Variants in SYNE2 observed in about 807,000 individuals in gnomAD.
SYNE2 encodes spectrin repeat containing nuclear envelope protein 2.
SYNE2 carries 431 observed loss-of-function variants against 856.3 expected under a neutral mutation model. That is an observed-to-expected ratio of 0.50 (90% confidence interval 0.47 to 0.55). The LOEUF (loss-of-function observed/expected upper bound fraction) is 0.55. Among genes scored for constraint, SYNE2 ranks in the 20% least tolerant of loss-of-function variants. The pLI, the probability that SYNE2 is intolerant of heterozygous loss-of-function variation, is 0.00. For synonymous variants in SYNE2, 2,923 were observed against 2,872.3 expected (o/e 1.02, Z -0.56); for missense variants, 8,129 against 8,023.2 (o/e 1.01, Z -0.50).
At chr14:63,974,892 G>GTATCTATATATATATATATA (rs2096527541) in intron 11 of SYNE2, among the ~76,000 whole-genome samples, 2 of 67,330 alleles carry the variant, frequency 3.0e-5, no homozygotes, top group Non-Finnish European at 6.2e-5. Flanking sequence ...GTGTGTGTGT[G>GTATCTATATATATATATATA]TATATATATA....
intron 14 of SYNE2, among the ~76,000 whole-genome samples, chr14:63,980,117 A>G (rs1234451632): frequency 1.3e-5 from 2 of 152,164 alleles, no homozygotes; most frequent in African/African-American, 4.8e-5. Flanking sequence ...TTTCTATTTA[A>G]ATATTCATAC....
At chr14:63,877,347 T>C (rs2094747950) in intron 1 of SYNE2, among the ~76,000 whole-genome samples, 1 of 152,176 alleles carries the variant, frequency 6.6e-6, no homozygotes, top group South Asian at 2.1e-4. Flanking sequence ...CTTTCTAAGT[T>C]TGTTACCACT....
At chr14:63,893,667 A>C (rs995908888) in intron 1 of SYNE2, among the ~76,000 whole-genome samples, 1 of 152,240 alleles carries the variant, frequency 6.6e-6, no homozygotes, top group Admixed American at 6.5e-5. Context: ...TATGGCATAC[A>C]CTATGCTACA....
chr14:64,162,614 A>AT, intron 88 of SYNE2: 1 of 363,300 alleles, frequency 2.8e-6, no homozygotes, highest in South Asian at 2.4e-5. Flanking sequence ...AGAATAATAC[A>AT]TGTTGTATCT....
intron 1 of SYNE2, among the ~76,000 whole-genome samples, chr14:63,801,423 G>A (rs541737381): frequency 1.3e-5 from 2 of 152,320 alleles, no homozygotes; most frequent in African/African-American, 2.4e-5. Flanking sequence ...TGTAATCCCA[G>A]CACTTCAGAA....
At chr14:63,976,301 T>C (rs2096542451) in intron 11 of SYNE2, among the ~76,000 whole-genome samples, 1 of 152,216 alleles carries the variant, frequency 6.6e-6, no homozygotes, top group African/African-American at 2.4e-5. Flanking sequence ...TATCTTATTG[T>C]GGATTTATCA....
intron 96 of SYNE2, among the ~76,000 whole-genome samples, chr14:64,181,442 GA>G: frequency 6.6e-6 from 1 of 152,254 alleles, no homozygotes; most frequent in East Asian, 1.9e-4. Flanking sequence ...GTAAACCCTT[GA>G]GCAGCCATAA....
At chr14:64,188,730 G>T (rs1298420615) in intron 98 of SYNE2, 22 bp downstream of exon 98, 3 of 1,613,468 alleles carry the variant, frequency 1.9e-6, no homozygotes, top group Non-Finnish European at 2.5e-6. Context: ...CACCCAGGTG[G>T]ATGTAGTTAT....
intron 90 of SYNE2, chr14:64,166,867 A>T: frequency 3.6e-6 from 1 of 277,270 alleles, no homozygotes; most frequent in South Asian, 3.6e-5. Context: ...CAGGAGGCGG[A>T]GGTTGCAGTG....
At chr14:64,113,855 A>G (rs2097832568) in intron 66 of SYNE2, among the ~76,000 whole-genome samples, 1 of 152,122 alleles carries the variant, frequency 6.6e-6, no homozygotes, top group African/African-American at 2.4e-5. Context: ...TTCCTTATAT[A>G]GTAGGTTATC....
intron 99 of SYNE2, among the ~76,000 whole-genome samples, chr14:64,200,229 T>G (rs894554505): frequency 2.6e-5 from 4 of 152,156 alleles, no homozygotes; most frequent in Admixed American, 1.3e-4. Flanking sequence ...GAGGCTGAGA[T>G]TCTTAGGGTG....
At chr14:63,802,754 T>C (rs924241043) in intron 1 of SYNE2, among the ~76,000 whole-genome samples, 4 of 152,112 alleles carry the variant, frequency 2.6e-5, no homozygotes, top group Admixed American at 6.6e-5. Context: ...TTCTTCCTTA[T>C]GGTGGGTTCG....
rs900904266 is a variant in SYNE2, at chr14:63,992,477, A to G, written c.2647-1358A>G. On this transcript the variant is annotated intron_variant, in intron 21 of 115. Transcript: ENST00000555002. The stretch of plus-strand genomic sequence containing the variant: ...ATTTTTTTTATAGAGAAAGGGTCTC[A>G]CTCTGTTGGTCAAGGCTGGTCTCAA... Among the ~76,000 whole-genome samples the G allele has an allele frequency of 2.6e-5, 4 of 151,872 alleles. No individual in the cohort carries two copies. The East Asian group carries it at 7.8e-4, about 29-fold the overall frequency.
intron 1 of SYNE2, among the ~76,000 whole-genome samples, chr14:63,810,901 GTC>G (rs1888590785): frequency 6.6e-6 from 1 of 151,410 alleles, no homozygotes. Context: ...GTGGCACAAT[GTC>G]AGCTCACTGC....
intron 1 of SYNE2, among the ~76,000 whole-genome samples, chr14:63,880,653 T>C (rs977495995): frequency 6.6e-6 from 1 of 151,448 alleles, no homozygotes; most frequent in East Asian, 1.9e-4. Flanking sequence ...TCTTATTTAA[T>C]ATTTTCTATT....
chr14:64,222,045 A>G (rs921552045), intron 112 of SYNE2, among the ~76,000 whole-genome samples: 43 of 152,194 alleles, frequency 2.8e-4, no homozygotes, highest in Admixed American at 2.7e-3. Context: ...TTTGCTTCAC[A>G]CCTGTGATGA....
At chr14:63,965,651 A>T (rs1284676074) in intron 10 of SYNE2, among the ~76,000 whole-genome samples, 1 of 152,238 alleles carries the variant, frequency 6.6e-6, no homozygotes, top group Non-Finnish European at 1.5e-5. Context: ...TAGCACCTCT[A>T]GGTCTCCATC....
intron 27 of SYNE2, among the ~76,000 whole-genome samples, chr14:63,999,732 T>G (rs2096739710): frequency 6.6e-6 from 1 of 152,222 alleles, no homozygotes; most frequent in South Asian, 2.1e-4. Flanking sequence ...CTGAGTGCAT[T>G]AGAGGGAACC....
At position 63,980,938 on chromosome 14, in the gene SYNE2, TA is replaced by T. The variant is rs753124902; in HGVS notation, c.1649-42del. On this transcript the variant is annotated intron_variant, in intron 15 of 115. Transcript: ENST00000555002. ...TGCAAATATTTTTAAATAGTATTAA[TA>T]AAAAATTGTTTTCTAAGATTACTTT... The T allele has an allele frequency of 4.1e-5, 54 of 1,308,572 alleles. 1 individual carries two copies. The highest frequency in any genetic ancestry group is 5.2e-4 in the Middle Eastern group (2 of 3,830). The allele number at this position is 1,308,572 out of a possible 1,614,324, so 81.1% of individuals were successfully genotyped here.
Sources: gnomAD v4.1 joint callset for allele counts (sites outside exome capture counted in the v4.1 genomes callset) on GRCh38, gnomAD v4.1.1 for gene constraint, MANE v1.5 for transcripts, NCBI Gene and HGNC (gene_info 2026-07-23, HGNC 2026-07-21) for gene names.